The following WNT7B variants were observed in gnomAD, a reference collection of about 807,000 sequenced individuals.
The protein encoded by WNT7B is protein Wnt-7b.
Under a neutral mutation model 38.2 loss-of-function variants are expected in WNT7B, and 19 were observed. The observed-to-expected ratio is 0.50, with a 90% confidence interval of 0.35 to 0.73. WNT7B has a LOEUF of 0.73. Ranked by LOEUF, WNT7B falls within the 30% of genes least tolerant of loss-of-function variation. The probability of loss-of-function intolerance (pLI) is 0.01; values close to 1 mark genes in which losing one functional copy is unlikely to be tolerated. For missense variants in WNT7B, 423 were observed against 507.9 expected, an observed-to-expected ratio of 0.83 and a Z score of 1.61; for synonymous variants, 243 against 209.3, an observed-to-expected ratio of 1.16 and a Z score of -1.39.
intron 1 of WNT7B, chr22:45,954,692 TA>T (rs1932020340): frequency 1.0e-6 from 1 of 985,212 alleles, no homozygotes; most frequent in Admixed American, 6.1e-5. Flanking sequence ...GCCAGGAGTA[TA>T]AATAGTTAGA....
rs1007600278 is a variant in WNT7B at position 45,922,467 on chromosome 22, A to G, written c.*389T>C. 5.0e-6 allele frequency: 1 copy of G among 201,238 alleles called. No individual in the cohort carries two copies. 12.5% of individuals were successfully genotyped at this position (201,238 alleles called of 1,614,324 possible). On this transcript the variant is annotated 3_prime_UTR_variant, in exon 4 of 4. Coordinates refer to ENST00000339464, the MANE Select transcript of WNT7B (RefSeq NM_058238.3). ...CAGCCGGCGTAGCTTTTCTGTGTCC[A>G]TGCCGCCAGGTGGGGCTGGGGACGC...
intron 1 of WNT7B, among the ~76,000 whole-genome samples, chr22:45,955,935 G>A (rs954358489): frequency 6.6e-6 from 1 of 152,186 alleles, no homozygotes; most frequent in Non-Finnish European, 1.5e-5. Context: ...TGTACAAGGA[G>A]GGGCTGCCGC....
chr22:45,967,931 T>C lies in WNT7B; in HGVS notation c.71+8753A>G, dbSNP rs535909152. Among the ~76,000 whole-genome samples, 9 of 152,230 alleles carry C rather than the reference T, an allele frequency of 5.9e-5. 1 individual carries two copies. Among genetic ancestry groups the C allele is most frequent in the Middle Eastern group, 6.8e-3 (2 of 294 alleles). Reference sequence around the variant, plus strand: ...TGATTCCACTCCCCGTGGGACTGCATAGGGGGAGCTTCCCTTCAGAGGCAG... The same window carrying C: ...TGATTCCACTCCCCGTGGGACTGCACAGGGGGAGCTTCCCTTCAGAGGCAG... On this transcript the variant is annotated intron_variant, in intron 1 of 3. Coordinates refer to ENST00000339464, the MANE Select transcript of WNT7B (RefSeq NM_058238.3).
At chr22:45,930,641 T>A (rs1016684086) in intron 3 of WNT7B, among the ~76,000 whole-genome samples, 5 of 152,266 alleles carry the variant, frequency 3.3e-5, no homozygotes, top group African/African-American at 1.2e-4. Context: ...GCTTCCACCT[T>A]CCTCAGGCTG....
At chr22:45,934,052 C>G (rs189855184) in intron 2 of WNT7B, among the ~76,000 whole-genome samples, 102 of 152,380 alleles carry the variant, frequency 6.7e-4, no homozygotes, top group Admixed American at 1.5e-3. Context: ...CGGGCGCACA[C>G]CCAGCCCTCA....
At chr22:45,925,597 T>G (rs1931058871) in intron 3 of WNT7B, 1 of 984,910 alleles carries the variant, frequency 1.0e-6, no homozygotes. Flanking sequence ...ATCCTGTCCA[T>G]CACCCCAGCT....
intron 1 of WNT7B, among the ~76,000 whole-genome samples, chr22:45,961,641 G>A (rs1219825941): frequency 6.6e-6 from 1 of 151,966 alleles, no homozygotes; most frequent in Non-Finnish European, 1.5e-5. Context: ...GGGCAAGGAC[G>A]GGGCTGGGGA....
chr22:45,929,536 T>TCATCCTTCCAACCATCCTTCCACC (rs1931227694), intron 3 of WNT7B, among the ~76,000 whole-genome samples: 2 of 118,092 alleles, frequency 1.7e-5, no homozygotes, highest in Non-Finnish European at 3.3e-5. Context: ...TTCCACCCAC[T>TCATCCTTCCAACCATCCTTCCACC]CATCCTTCCA....
intron 1 of WNT7B, chr22:45,954,939 G>T: frequency 5.5e-6 from 1 of 182,356 alleles, no homozygotes. Context: ...GTCTGGCACT[G>T]CACAGCCAGG....
At chr22:45,926,306 C>G in intron 3 of WNT7B, 1 of 985,440 alleles carries the variant, frequency 1.0e-6, no homozygotes, top group Admixed American at 6.1e-5. Flanking sequence ...ACAGAGTGAG[C>G]TCATCTTGCT....
intron 1 of WNT7B, among the ~76,000 whole-genome samples, chr22:45,962,637 CCAGGTCTTA>C (rs1932222444): frequency 6.6e-6 from 1 of 152,234 alleles, no homozygotes; most frequent in Non-Finnish European, 1.5e-5. Flanking sequence ...ATGCCCTTCC[CCAGGTCTTA>C]CTCTGGCCCT....
At chr22:45,943,161 TC>T (rs144572677) in intron 2 of WNT7B, among the ~76,000 whole-genome samples, 1 of 152,124 alleles carries the variant, frequency 6.6e-6, no homozygotes, top group Non-Finnish European at 1.5e-5. Flanking sequence ...TCTCTGTCCT[TC>T]CCCCCCTGTT....
chr22:45,943,080 C>CGTGTGTGCGTGTGT (rs1460572407), intron 2 of WNT7B, among the ~76,000 whole-genome samples: 1 of 150,824 alleles, frequency 6.6e-6, no homozygotes, highest in Non-Finnish European at 1.5e-5. Flanking sequence ...CATGTGTGCA[C>CGTGTGTGCGTGTGT]GTGTGTGCGT....
At chr22:45,928,334 C>G (rs375741254) in intron 3 of WNT7B, among the ~76,000 whole-genome samples, 1 of 152,200 alleles carries the variant, frequency 6.6e-6, no homozygotes, top group Non-Finnish European at 1.5e-5. Context: ...CTCCCACTGC[C>G]GTGATGCCAC....
chr22:45,954,761 T>G (rs1056404161), intron 1 of WNT7B: 6 of 985,326 alleles, frequency 6.1e-6, no homozygotes, highest in African/African-American at 3.5e-5. Flanking sequence ...GTGGGGGTGT[T>G]TGTGTTCCCA....
chr22:45,960,229 C>T (rs752733726), intron 1 of WNT7B, among the ~76,000 whole-genome samples: 55 of 152,338 alleles, frequency 3.6e-4, no homozygotes, highest in Non-Finnish European at 6.6e-4. Flanking sequence ...TGCCCACACC[C>T]GTTCCTCCTT....
intron 1 of WNT7B, among the ~76,000 whole-genome samples, chr22:45,958,120 T>C (rs1932114938): frequency 6.6e-6 from 1 of 152,226 alleles, no homozygotes; most frequent in African/African-American, 2.4e-5. Context: ...GTCACCCACA[T>C]AGCCACCATC....
At chr22:45,956,533 C>T (rs562328928) in intron 1 of WNT7B, among the ~76,000 whole-genome samples, 18 of 152,356 alleles carry the variant, frequency 1.2e-4, no homozygotes, top group South Asian at 4.1e-4. Context: ...GATGGGTCCA[C>T]GCCCACATCA....
chr22:45,950,885 T>C (rs1459276208), intron 1 of WNT7B, among the ~76,000 whole-genome samples: 1 of 152,228 alleles, frequency 6.6e-6, no homozygotes. Flanking sequence ...CTGCAGCAAA[T>C]TGAGCACCTA....
Sources: gnomAD v4.1 joint callset for allele counts (sites outside exome capture counted in the v4.1 genomes callset) on GRCh38, gnomAD v4.1.1 for gene constraint, MANE v1.5 for transcripts, NCBI Gene and HGNC (gene_info 2026-07-23, HGNC 2026-07-21) for gene names.